Variants in SPMAP2L observed in about 807,000 individuals in gnomAD.
The protein encoded by SPMAP2L is sperm microtubule associated protein 2-like.
chr4:56,579,704 G>T, the SPMAP2L span, among the ~76,000 whole-genome samples: 1 of 152,170 alleles, frequency 6.6e-6, no homozygotes, highest in Non-Finnish European at 1.5e-5. Flanking sequence ...AGGTGGTCAA[G>T]GATGCAGTGG....
At chr4:56,566,232 C>G in the SPMAP2L span, among the ~76,000 whole-genome samples, 1 of 151,848 alleles carries the variant, frequency 6.6e-6, no homozygotes, top group African/African-American at 2.4e-5. Context: ...GAGTTTTGCT[C>G]TTGTTGCCCA....
chr4:56,581,428 C>G, the SPMAP2L span, among the ~76,000 whole-genome samples: 8 of 151,828 alleles, frequency 5.3e-5, no homozygotes, highest in African/African-American at 1.7e-4. Flanking sequence ...GCACTCCAGC[C>G]TGGGCAACAA....
chr4:56,593,892 A>G, the SPMAP2L span: 9 of 1,610,236 alleles, frequency 5.6e-6, no homozygotes, highest in Non-Finnish European at 7.6e-6. Context: ...AGGAGAGTAC[A>G]TAATGCCACT....
chr4:56,571,458 G>T, the SPMAP2L span, among the ~76,000 whole-genome samples: 1 of 151,724 alleles, frequency 6.6e-6, no homozygotes, highest in Non-Finnish European at 1.5e-5. Context: ...GACTACAGGT[G>T]TGCGCCACCA....
the SPMAP2L span, among the ~76,000 whole-genome samples, chr4:56,536,184 T>C: frequency 6.6e-6 from 1 of 152,194 alleles, no homozygotes; most frequent in South Asian, 2.1e-4. Context: ...GAACCCCTGC[T>C]CTAAAGTCCT....
At chr4:56,602,061 G>A in the SPMAP2L span, among the ~76,000 whole-genome samples, 1 of 152,168 alleles carries the variant, frequency 6.6e-6, no homozygotes, top group Non-Finnish European at 1.5e-5. Context: ...TTTTTCCAAT[G>A]TTTTGCATCA....
chr4:56,593,344 G>T, the SPMAP2L span: 2 of 1,154,836 alleles, frequency 1.7e-6, no homozygotes, highest in African/African-American at 1.5e-5. Context: ...ACAGACAATA[G>T]CTGTTGTCCA....
chr4:56,580,091 A>C, the SPMAP2L span, among the ~76,000 whole-genome samples: 126 of 152,342 alleles, frequency 8.3e-4, 1 homozygote, highest in Middle Eastern at 3.4e-3. Context: ...TATCCTGATA[A>C]TAAAACCAGA....
At chr4:56,620,638 G>C in the SPMAP2L span, among the ~76,000 whole-genome samples, 2 of 152,190 alleles carry the variant, frequency 1.3e-5, no homozygotes, top group Non-Finnish European at 2.9e-5. Flanking sequence ...GCCCGCCTCG[G>C]CCTCCCAAAG....
At chr4:56,566,105 A>G in the SPMAP2L span, among the ~76,000 whole-genome samples, 1 of 152,170 alleles carries the variant, frequency 6.6e-6, no homozygotes, top group African/African-American at 2.4e-5. Context: ...TAATATGTTG[A>G]GGTTTAAAGC....
At chr4:56,568,046 C>T in the SPMAP2L span, among the ~76,000 whole-genome samples, 99 of 152,208 alleles carry the variant, frequency 6.5e-4, no homozygotes, top group African/African-American at 2.3e-3. Flanking sequence ...CTCTCTATGT[C>T]TTCATTAATC....
chr4:56,556,271 G>A, the SPMAP2L span, among the ~76,000 whole-genome samples: 1 of 152,172 alleles, frequency 6.6e-6, no homozygotes, highest in African/African-American at 2.4e-5. Context: ...TGGCCTTAAG[G>A]GTTGAGACAA....
chr4:56,534,645 G>A, the SPMAP2L span, among the ~76,000 whole-genome samples: 1 of 152,146 alleles, frequency 6.6e-6, no homozygotes. Flanking sequence ...ACATAAGGTG[G>A]GCTGGGTGCA....
At chr4:56,592,913 A>G in the SPMAP2L span, 1 of 1,607,770 alleles carries the variant, frequency 6.2e-7, no homozygotes, top group Non-Finnish European at 8.5e-7. Context: ...GGGGCTGGCG[A>G]GCATTGATGA....
At chr4:56,565,145 G>A in the SPMAP2L span, among the ~76,000 whole-genome samples, 1 of 152,170 alleles carries the variant, frequency 6.6e-6, no homozygotes, top group African/African-American at 2.4e-5. Context: ...GCTGTAATGG[G>A]TAAAGTGTTC....
At chr4:56,534,816 C>G in the SPMAP2L span, among the ~76,000 whole-genome samples, 1 of 152,174 alleles carries the variant, frequency 6.6e-6, no homozygotes, top group East Asian at 1.9e-4. Flanking sequence ...GTAATCCCAG[C>G]TACTCGGGAG....
the SPMAP2L span, among the ~76,000 whole-genome samples, chr4:56,582,770 C>G: frequency 6.6e-6 from 1 of 152,138 alleles, no homozygotes; most frequent in African/African-American, 2.4e-5. Flanking sequence ...CACAAATATT[C>G]CTAGCAGCAT....
At chr4:56,618,055 C>T in the SPMAP2L span, among the ~76,000 whole-genome samples, 75,390 of 151,920 alleles carry the variant, frequency 0.5, 20,013 homozygotes, top group African/African-American at 0.69. Flanking sequence ...CGGGCTTTTA[C>T]ATGGCCAGGG....
chr4:56,601,719 TGCACTCCAGCCCAGGCA>T, the SPMAP2L span, among the ~76,000 whole-genome samples: 591 of 152,206 alleles, frequency 3.9e-3, 9 homozygotes, highest in Non-Finnish European at 1.7e-3. Context: ...AGCTATGATC[TGCACTCCAGCCCAGGCA>T]GCAGAGTAAG....
Sources: allele counts gnomAD v4.1 joint callset (sites outside exome capture counted in the v4.1 genomes callset), GRCh38; gene constraint gnomAD v4.1.1; transcripts MANE v1.5; gene names NCBI Gene and HGNC (gene_info 2026-07-23, HGNC 2026-07-21).